ZNF436: variants seen among roughly 807,000 people sequenced by gnomAD.
The protein encoded by ZNF436 is zinc finger protein 436.
In ZNF436, 22 loss-of-function variants were observed where a neutral mutation model predicts 41.9. The ratio of observed to expected loss-of-function variants is 0.53; its 90% CI spans 0.38 to 0.75. The LOEUF is 0.75. Ranked by LOEUF, ZNF436 falls within the 30% of genes least tolerant of loss-of-function variation. The pLI is 0.00. For synonymous variants in ZNF436, 217 were observed against 197.8 expected, an observed-to-expected ratio of 1.10 and a Z score of -0.82; for missense variants, 506 against 587.3, an observed-to-expected ratio of 0.86 and a Z score of 1.43.
chr1:23,368,196 C>A, intron 1 of ZNF436, 131 bp from the exon 2 acceptor site: 1 of 615,750 alleles, frequency 1.6e-6, no homozygotes. Flanking sequence ...CTCCCTGACC[C>A]TCGAGCGCGA....
In ZNF436 at chr1:23,360,030, A is replaced by G. The variant is rs1646983642; in HGVS notation, c.*1939T>C. On this transcript the variant is annotated 3_prime_UTR_variant, in exon 4 of 4. Transcript: ENST00000314011. ...ATCAGCAACATATATGAGAAAAGAC[A>G]TATTTGAGTTTAGTTACCAAGAACA... is the stretch of plus-strand genomic sequence containing the variant. The G allele has an allele frequency of 6.6e-6, 1 of 152,550 alleles. No individual in the cohort carries two copies. The highest frequency in any genetic ancestry group is 2.1e-4 in the South Asian group (1 of 4,832). 9.4% of individuals were successfully genotyped at this position (152,550 alleles called of 1,614,324 possible). A position where few individuals can be genotyped will look rare whatever the true frequency, so the allele number is the denominator to read the frequency against.
Position 23,362,149 on chromosome 1 carries a change from G to A in ZNF436, c.1233C>T (p.Thr411=), listed in dbSNP as rs764571525. ...ACTCGTAGGGCTTCTCCCCTGTGTG[G>A]GTTCTCTGATGTTTAATTAGATCTG... ...ERSDLIKHQR[T]HTGEKPYECV... is the part of the protein sequence containing the mutation. Residue 411 remains threonine (T), a synonymous_variant, in exon 4 of 4, where the codon ACC becomes ACT. Transcript: ENST00000314011. 1.2e-6 allele frequency: 2 copies of A among 1,613,616 alleles called. No individual in the cohort carries two copies. The highest frequency in any genetic ancestry group is 1.7e-6 in the Non-Finnish European group (2 of 1,179,914).
intron 1 of ZNF436, 80 bp from the exon 2 acceptor site, chr1:23,368,145 G>A (rs895020511): frequency 3.1e-6 from 3 of 981,576 alleles, no homozygotes; most frequent in African/African-American, 3.3e-5. Context: ...CTGGCCCCAA[G>A]GCGGGCAGGG....
chr1:23,362,311 A>C lies in ZNF436; in HGVS notation c.1071T>G (p.Thr357=), dbSNP rs200505175. 6.2e-7 allele frequency: 1 copy of C among 1,613,908 alleles called. No homozygotes were observed. The highest frequency in any genetic ancestry group is 2.2e-5 in the East Asian group (1 of 44,872). ...SHLVQHQRTH[T]GEKPYECNAC... ...CATTGCATTCATATGGCTTCTCTCC[A>C]GTGTGAGTTCTCTGGTGCTGAACCA... Residue 357 remains threonine, a synonymous_variant, in exon 4 of 4, where the codon ACT becomes ACG. Transcript: ENST00000314011.
Position 23,369,570 on chromosome 1 carries a change from A to G in ZNF436, c.-265T>C, listed in dbSNP as rs1322235172. 3.8e-6 allele frequency: 2 copies of G among 533,076 alleles called. No individual in the cohort carries two copies. The highest frequency in any genetic ancestry group is 2.8e-5 in the South Asian group (2 of 71,564). 33.0% of individuals were successfully genotyped at this position (533,076 alleles called of 1,614,324 possible). On this transcript the variant is annotated 5_prime_UTR_variant, in exon 1 of 4. Coordinates refer to ENST00000314011, the MANE Select transcript of ZNF436 (RefSeq NM_001077195.2). ...AGCCCAGATATCGTAGGCTGATCCTAAAGACTCAGATTCCCGAGGCCTCAG... is the reference window on the plus strand; with the variant it reads ...AGCCCAGATATCGTAGGCTGATCCTGAAGACTCAGATTCCCGAGGCCTCAG...
rs866826693 is a variant in ZNF436, at chr1:23,362,020, ACT to A, written c.1360_1361del (p.Ser454PhefsTer9). ...TAATAAGAGCTGAGCTCCTGCTGAA[ACT>A]CTTCTCACATTCGGTACATTCATAA... The part of the protein sequence containing the change: ...KPYECTECEK[S>X]FSRSSALIKH... On this transcript the variant is annotated frameshift_variant, in exon 4 of 4. Coordinates refer to ENST00000314011, the MANE Select transcript of ZNF436 (RefSeq NM_001077195.2). LOFTEE classifies it high-confidence loss of function. The A allele has an allele frequency of 6.2e-7, 1 of 1,613,270 alleles. No individual in the cohort carries two copies. The highest frequency in any genetic ancestry group is 8.5e-7 in the Non-Finnish European group (1 of 1,179,742).
intron 3 of ZNF436, among the ~76,000 whole-genome samples, chr1:23,363,619 A>G (rs1312960574): frequency 2.0e-5 from 3 of 152,198 alleles, no homozygotes; most frequent in Admixed American, 1.3e-4. Flanking sequence ...TACTTCATTA[A>G]TGAGAAATCC....
At position 23,362,788 on chromosome 1, in the gene ZNF436, C is replaced by T; in HGVS notation, c.594G>A (p.Glu198=). The T allele has an allele frequency of 6.2e-7, 1 of 1,614,198 alleles. No homozygotes were observed. Among genetic ancestry groups the T allele is most frequent in the Non-Finnish European group, 8.5e-7 (1 of 1,180,040 alleles). ...AACTTCTTCCAAAACTTTTCCCACA[C>T]TCGTTACAGTCATAAGGCCTCTCCC... ...HTGERPYDCN[E]CGKSFGRSSH... Residue 198 remains glutamate (E), a synonymous_variant, in exon 4 of 4, where the codon GAG becomes GAA. Transcript: ENST00000314011.
At position 23,367,107 on chromosome 1, in the gene ZNF436, T is replaced by A; in HGVS notation, c.95A>T (p.Asp32Val). ...YLTREEWRPL[D>V]AAQRDLYRDV... is the part of the protein sequence containing the mutation. ...CCGGTAAAGGTCCCTCTGTGCAGCGTCCAGAGGTCTCCATTCTTCCCGGGT... is the reference window on the plus strand; with the variant it reads ...CCGGTAAAGGTCCCTCTGTGCAGCGACCAGAGGTCTCCATTCTTCCCGGGT... Residue 32 changes from aspartate (D) to valine (V), a missense_variant, in exon 3 of 4, where the codon GAC (aspartate) becomes GTC (valine). Physicochemically the swap from Asp to Val is radical, Grantham distance 152. Around this residue, in one of 2 missense-constraint regions of ZNF436, gnomAD observed 228 missense variants for 215.1 expected, o/e 1.06. Coordinates refer to ENST00000314011, the MANE Select transcript of ZNF436 (RefSeq NM_001077195.2). 9 of 1,613,704 alleles carry A rather than the reference T, an allele frequency of 5.6e-6. No individual in the cohort carries two copies. The highest frequency in any genetic ancestry group is 2.2e-5 in the East Asian group (1 of 44,878).
chr1:23,368,549 T>C (rs1011930460), intron 1 of ZNF436, among the ~76,000 whole-genome samples: 43 of 152,222 alleles, frequency 2.8e-4, no homozygotes, highest in African/African-American at 1.0e-3. Flanking sequence ...GTACAAAAGC[T>C]AGCCAGAGGC....
chr1:23,363,437 C>T (rs1488885747), intron 3 of ZNF436, among the ~76,000 whole-genome samples: 10 of 151,978 alleles, frequency 6.6e-5, no homozygotes, highest in South Asian at 2.1e-4. Context: ...TACAGGTGCA[C>T]GCCACCATGC....
At position 23,369,503 on chromosome 1, in the gene ZNF436, C is replaced by T. The variant is rs369305838; in HGVS notation, c.-198G>A. The T allele has an allele frequency of 1.9e-6, 1 of 531,802 alleles. No homozygotes were observed. The highest frequency in any genetic ancestry group is 1.9e-5 in the African/African-American group (1 of 51,920). 32.9% of individuals were successfully genotyped at this position (531,802 alleles called of 1,614,324 possible). On this transcript the variant is annotated 5_prime_UTR_variant, in exon 1 of 4. Coordinates refer to ENST00000314011, the MANE Select transcript of ZNF436 (RefSeq NM_001077195.2). ...GAGCACGGGCAGGTCCCGGAGGTCT[C>T]AGACCCGCAGGTAGATCTCGAATTC...
Position 23,362,939 on chromosome 1 carries a change from C to T in ZNF436, c.443G>A (p.Ser148Asn). 1 of 1,614,230 alleles carries T rather than the reference C, an allele frequency of 6.2e-7. No individual in the cohort carries two copies. The highest frequency in any genetic ancestry group is 1.1e-5 in the South Asian group (1 of 91,082). Residue 148 changes from serine to asparagine, a missense_variant, in exon 4 of 4, where the codon AGT (serine) becomes AAT (asparagine). By Grantham distance (46) the Ser-to-Asn change is conservative (BLOSUM62 1). Transcript: ENST00000314011. ...HICSHCGKAF[S>N]QISDLNRHQK... is the part of the protein sequence containing the mutation. ...ATGTCGATTAAGGTCTGAGATCTGA[C>T]TGAAGGCCTTTCCACAATGAGAACA...
Position 23,362,469 on chromosome 1 carries a change from G to C in ZNF436, c.913C>G (p.Pro305Ala), listed in dbSNP as rs1462079614. The change falls in exon 4 of 4, where the codon CCC (proline) becomes GCC (alanine). Residue 305 changes from proline to alanine, a missense_variant. By Grantham distance (27) the Pro-to-Ala change is conservative. Around this residue, in one of 2 missense-constraint regions of ZNF436, gnomAD observed 278 missense variants for 372.1 expected, o/e 0.75. Coordinates refer to ENST00000314011, the MANE Select transcript of ZNF436 (RefSeq NM_001077195.2). ...KHYRVHTGER[P>A]YKCDECGKNF... Reference sequence around the variant, plus strand: ...TTCCCACACTCATCACACTTGTAGGGCCTCTCCCCTGTGTGGACTCGATAG... The same window carrying C: ...TTCCCACACTCATCACACTTGTAGGCCCTCTCCCCTGTGTGGACTCGATAG... 6.2e-7 allele frequency: 1 copy of C among 1,613,914 alleles called. No homozygotes were observed. Among genetic ancestry groups the C allele is most frequent in the Non-Finnish European group, 8.5e-7 (1 of 1,179,898 alleles).
chr1:23,368,077 G>C lies in ZNF436; in HGVS notation c.-60-12C>G, dbSNP rs1209122262. The C allele has an allele frequency of 7.7e-5, 120 of 1,564,418 alleles. No individual in the cohort carries two copies. The highest frequency in any genetic ancestry group is 9.7e-5 in the Non-Finnish European group (110 of 1,138,472). ...GCTAGCAGACAGCGCTGAAGGAGGCGAAAAGCAGGGCGTGAGGCACGGAAA... is the reference window on the plus strand; with the variant it reads ...GCTAGCAGACAGCGCTGAAGGAGGCCAAAAGCAGGGCGTGAGGCACGGAAA... On this transcript the variant is annotated splice_polypyrimidine_tract_variant and intron_variant, in intron 1 of 3. Transcript: ENST00000314011.
At chr1:23,366,530 G>A (rs1383949725) in intron 3 of ZNF436, among the ~76,000 whole-genome samples, 3 of 152,170 alleles carry the variant, frequency 2.0e-5, no homozygotes. Context: ...TTCTGGAACA[G>A]CATTTGACAC....
At chr1:23,368,294 G>C (rs1003337543) in intron 1 of ZNF436, 5 of 430,866 alleles carry the variant, frequency 1.2e-5, no homozygotes, top group Non-Finnish European at 2.1e-5. Flanking sequence ...TCCCGCGCCG[G>C]GGGTTAGACC....
chr1:23,369,767 G>T lies in ZNF436; in HGVS notation c.-462C>A. On this transcript the variant is annotated 5_prime_UTR_variant, in exon 1 of 4. Coordinates refer to ENST00000314011, the MANE Select transcript of ZNF436 (RefSeq NM_001077195.2). The stretch of plus-strand genomic sequence containing the variant: ...ATGAGGGAATTAGACAATGGAAGTC[G>T]AGCACTGGGGAAAGCAGGCATTCTG... The T allele has an allele frequency of 5.8e-6, 2 of 345,640 alleles. No homozygotes were observed. Among genetic ancestry groups the T allele is most frequent in the South Asian group, 2.3e-5 (1 of 43,730 alleles). 21.4% of individuals were successfully genotyped at this position (345,640 alleles called of 1,614,324 possible).
chr1:23,362,947 C>T lies in ZNF436; in HGVS notation c.435G>A (p.Lys145=). 1 of 1,614,200 alleles carries T rather than the reference C, an allele frequency of 6.2e-7. No individual in the cohort carries two copies. The highest frequency in any genetic ancestry group is 1.3e-5 in the African/African-American group (1 of 75,042). The change falls in exon 4 of 4, where the codon AAG becomes AAA. Residue 145 remains lysine (K), a synonymous_variant. Transcript: ENST00000314011. The part of the protein sequence containing the change: ...IRYHICSHCG[K]AFSQISDLNR... Reference sequence around the variant, plus strand: ...TAAGGTCTGAGATCTGACTGAAGGCCTTTCCACAATGAGAACATATATGAT... The same window carrying T: ...TAAGGTCTGAGATCTGACTGAAGGCTTTTCCACAATGAGAACATATATGAT...
Sources: gnomAD v4.1 joint callset for allele counts (sites outside exome capture counted in the v4.1 genomes callset) on GRCh38, gnomAD v4.1.1 for gene constraint, gnomAD v4.1.1 regional missense constraint, MANE v1.5 for transcripts, NCBI Gene and HGNC (gene_info 2026-07-23, HGNC 2026-07-21) for gene names.